The following CHRM2 variants were observed in gnomAD, a reference collection of about 807,000 sequenced individuals.
The protein encoded by CHRM2 is muscarinic acetylcholine receptor M2.
Under a neutral mutation model 25.0 loss-of-function variants are expected in CHRM2, and 8 were observed. That is an observed-to-expected ratio of 0.32 (90% CI 0.19 to 0.58). The LOEUF (loss-of-function observed/expected upper bound fraction) is 0.58. CHRM2 is among the 20% of genes least tolerant of loss of function. CHRM2 has a pLI of 0.88. For synonymous variants in CHRM2, 202 were observed against 205.7 expected, an observed-to-expected ratio of 0.98 and a Z score of 0.15; for missense variants, 440 against 567.1, an observed-to-expected ratio of 0.78 and a Z score of 2.28.
chr7:136,996,905 G>A (rs1803641448), intron 3 of CHRM2, among the ~76,000 whole-genome samples: 1 of 152,122 alleles, frequency 6.6e-6, no homozygotes, highest in African/African-American at 2.4e-5. Context: ...ATGACTTTGA[G>A]CCAAGATTTA....
intron 2 of CHRM2, among the ~76,000 whole-genome samples, chr7:136,955,400 T>C (rs952249713): frequency 6.6e-6 from 1 of 152,196 alleles, no homozygotes; most frequent in African/African-American, 2.4e-5. Flanking sequence ...TCCTCGGGTT[T>C]TCACATTCTA....
At position 137,017,585 on chromosome 7, in the gene CHRM2, C is replaced by T. The variant is rs1167470438; in HGVS notation, c.*1319C>T. The T allele has an allele frequency of 1.3e-5, 2 of 151,996 alleles. No homozygotes were observed. The highest frequency in any genetic ancestry group is 2.9e-5 in the Non-Finnish European group (2 of 67,950). The allele number at this position is 151,996 out of a possible 1,614,324, so 9.4% of individuals were successfully genotyped here. A position where few individuals can be genotyped will look rare whatever the true frequency, so the allele number is the denominator to read the frequency against. Reference sequence around the variant, plus strand: ...AAAAACGATATTTTAAAAACTATTACTGAAACAATTACATATTCCATATTC... The same window carrying T: ...AAAAACGATATTTTAAAAACTATTATTGAAACAATTACATATTCCATATTC... On this transcript the variant is annotated 3_prime_UTR_variant, in exon 4 of 4. Coordinates refer to ENST00000680005, the MANE Select transcript of CHRM2 (RefSeq NM_001006630.2).
intron 2 of CHRM2, among the ~76,000 whole-genome samples, chr7:136,907,280 G>A (rs1797608012): frequency 6.6e-6 from 1 of 151,844 alleles, no homozygotes; most frequent in Admixed American, 6.6e-5. Context: ...CAAAAATCTT[G>A]AATTCAAAAC....
chr7:136,975,563 A>G (rs1325844746), intron 2 of CHRM2, among the ~76,000 whole-genome samples: 1 of 152,226 alleles, frequency 6.6e-6, no homozygotes, highest in Admixed American at 6.5e-5. Context: ...CCAATAAAAC[A>G]TAACAAAACC....
At chr7:137,006,699 C>A (rs1804452845) in intron 3 of CHRM2, among the ~76,000 whole-genome samples, 1 of 151,918 alleles carries the variant, frequency 6.6e-6, no homozygotes, top group Non-Finnish European at 1.5e-5. Context: ...TAGCACTGCA[C>A]ACAAACCTTA....
At chr7:136,987,051 C>T (rs774866374) in intron 2 of CHRM2, among the ~76,000 whole-genome samples, 10 of 152,158 alleles carry the variant, frequency 6.6e-5, no homozygotes, top group Non-Finnish European at 1.2e-4. Context: ...TTTTCTCTTC[C>T]GCTTGAGAAA....
chr7:137,000,797 T>A (rs1803984994), intron 3 of CHRM2, among the ~76,000 whole-genome samples: 3 of 152,166 alleles, frequency 2.0e-5, no homozygotes, highest in East Asian at 1.9e-4. Context: ...CTGTCACGAT[T>A]TTTTATCCTT....
intron 2 of CHRM2, among the ~76,000 whole-genome samples, chr7:136,976,086 A>G (rs1584861008): frequency 6.6e-6 from 1 of 152,318 alleles, no homozygotes; most frequent in East Asian, 1.9e-4. Context: ...GGCTAGTTAG[A>G]AAGAAGAAAT....
At chr7:136,909,838 A>T (rs1797745415) in intron 2 of CHRM2, among the ~76,000 whole-genome samples, 1 of 151,954 alleles carries the variant, frequency 6.6e-6, no homozygotes, top group African/African-American at 2.4e-5. Flanking sequence ...TTTGTAGCAG[A>T]CCACTTTTTG....
chr7:136,927,400 G>T (rs1313941518), intron 2 of CHRM2, among the ~76,000 whole-genome samples: 2 of 152,002 alleles, frequency 1.3e-5, no homozygotes, highest in African/African-American at 4.8e-5. Context: ...AAATGGTGGT[G>T]GTGGTGTGGG....
chr7:136,987,119 ATTTCTCTTTCTT>A (rs1218099056), intron 2 of CHRM2, among the ~76,000 whole-genome samples: 2 of 139,968 alleles, frequency 1.4e-5, no homozygotes, highest in South Asian at 4.3e-4. Flanking sequence ...TTTCTTTTTT[ATTTCTCTTTCTT>A]TTTCTCTTCC....
chr7:136,929,353 G>A (rs1019310153), intron 2 of CHRM2, among the ~76,000 whole-genome samples: 1 of 151,428 alleles, frequency 6.6e-6, no homozygotes, highest in Admixed American at 6.6e-5. Flanking sequence ...ATTTATCTGA[G>A]AAGTTTATAT....
At chr7:136,909,920 G>GTTT (rs2130676879) in intron 2 of CHRM2, among the ~76,000 whole-genome samples, 1 of 151,802 alleles carries the variant, frequency 6.6e-6, no homozygotes, top group South Asian at 2.1e-4. Flanking sequence ...AACAAACAAT[G>GTTT]GGTGAAAAAG....
intron 2 of CHRM2, among the ~76,000 whole-genome samples, chr7:136,893,377 G>A (rs951014104): frequency 6.6e-6 from 1 of 152,094 alleles, no homozygotes; most frequent in Admixed American, 6.5e-5. Context: ...ACAGTCAATG[G>A]CCTAAATTAA....
chr7:136,952,394 G>A (rs1037995735), intron 2 of CHRM2, among the ~76,000 whole-genome samples: 11 of 151,388 alleles, frequency 7.3e-5, no homozygotes, highest in African/African-American at 2.7e-4. Flanking sequence ...AAAGCGTATC[G>A]AAGATCTTAT....
chr7:136,975,245 T>C (rs771364449), intron 2 of CHRM2, among the ~76,000 whole-genome samples: 4 of 152,202 alleles, frequency 2.6e-5, no homozygotes, highest in African/African-American at 4.8e-5. Context: ...TAGAATTCAC[T>C]TTCTTGTTTC....
intron 2 of CHRM2, among the ~76,000 whole-genome samples, chr7:136,916,607 TTTGC>T (rs1285410491): frequency 1.3e-5 from 2 of 151,388 alleles, no homozygotes; most frequent in Non-Finnish European, 3.0e-5. Context: ...TTCCCTTTTA[TTTGC>T]TTATCTCTTT....
intron 2 of CHRM2, among the ~76,000 whole-genome samples, chr7:136,872,403 T>C (rs1795876107): frequency 1.3e-5 from 2 of 152,172 alleles, no homozygotes; most frequent in Non-Finnish European, 2.9e-5. Context: ...TCCTTCAATT[T>C]TGGGAGGCTG....
intron 3 of CHRM2, among the ~76,000 whole-genome samples, chr7:137,001,163 C>A (rs1457891316): frequency 6.6e-6 from 1 of 152,138 alleles, no homozygotes; most frequent in Non-Finnish European, 1.5e-5. Flanking sequence ...TCCCTGCCCC[C>A]TTCAATGCTT....
Sources: gnomAD v4.1 joint callset for allele counts (sites outside exome capture counted in the v4.1 genomes callset) on GRCh38, gnomAD v4.1.1 for gene constraint, MANE v1.5 for transcripts, NCBI Gene and HGNC (gene_info 2026-07-23, HGNC 2026-07-21) for gene names.